Variants in CASK observed in about 807,000 individuals in gnomAD.
CASK encodes peripheral plasma membrane protein CASK.
In CASK, 4 loss-of-function variants were observed where a neutral mutation model predicts 82.9. The observed-to-expected ratio is 0.05, with a 90% confidence interval of 0.02 to 0.11. The LOEUF (loss-of-function observed/expected upper bound fraction) is 0.11. Among genes scored for constraint, CASK ranks in the 10% least tolerant of loss-of-function variants. The pLI, the probability that CASK is intolerant of heterozygous loss-of-function variation, is 1.00. For missense variants in CASK, 358 were observed against 720.9 expected (o/e 0.50, Z 5.76); for synonymous variants, 259 against 253.5 (o/e 1.02, Z -0.20).
chrX:41,592,180 C>A (rs2065755634), intron 12 of CASK, among the ~76,000 whole-genome samples: 1 of 102,809 alleles, frequency 9.7e-6, no homozygotes, highest in South Asian at 4.7e-4. Context: ...ATGATCGCAT[C>A]ACTGCACTCT....
intron 3 of CASK, among the ~76,000 whole-genome samples, chrX:41,762,998 T>C (rs1221401354): frequency 9.0e-6 from 1 of 111,040 alleles, no homozygotes; most frequent in Admixed American, 9.6e-5. Flanking sequence ...AGATCCCTGA[T>C]TCAAAAGAAG....
intron 8 of CASK, among the ~76,000 whole-genome samples, chrX:41,640,975 G>A (rs752136310): frequency 1.2e-5 from 1 of 86,491 alleles, no homozygotes; most frequent in Non-Finnish European, 2.3e-5. Context: ...AAGGTATCTC[G>A]TCTTTTTTTT....
intron 19 of CASK, among the ~76,000 whole-genome samples, chrX:41,556,767 T>C (rs889819925): frequency 2.7e-5 from 3 of 112,521 alleles, no homozygotes; most frequent in African/African-American, 9.7e-5. Flanking sequence ...AAGTCATACA[T>C]ACAAATGGGG....
intron 1 of CASK, among the ~76,000 whole-genome samples, chrX:41,900,491 T>C (rs2072349828): frequency 9.0e-6 from 1 of 110,642 alleles, no homozygotes; most frequent in Non-Finnish European, 1.9e-5. Flanking sequence ...AATGACCATC[T>C]TTGAGCTCAC....
intron 2 of CASK, among the ~76,000 whole-genome samples, chrX:41,803,406 A>G (rs887595892): frequency 9.0e-6 from 1 of 110,909 alleles, no homozygotes. Context: ...TGGCCAACAT[A>G]GTGAAACGCC....
chrX:41,837,258 T>A (rs2070943650), intron 2 of CASK, among the ~76,000 whole-genome samples: 1 of 112,094 alleles, frequency 8.9e-6, no homozygotes, highest in African/African-American at 3.2e-5. Flanking sequence ...ATAACAGTAG[T>A]ACAATATCAA....
Position 41,878,626 on chromosome X carries a change from G to A in CASK, c.60-25399C>T, listed in dbSNP as rs73472552. On this transcript the variant is annotated intron_variant, in intron 1 of 26. Transcript: ENST00000378163. Reference sequence around the variant, plus strand: ...GTTTTTCCCTCAAATTCATTCACCTGTAACTCACATGTAACAAAGTCTTCA... The same window carrying A: ...GTTTTTCCCTCAAATTCATTCACCTATAACTCACATGTAACAAAGTCTTCA... Among the ~76,000 whole-genome samples, 460 of 111,103 alleles carry A rather than the reference G, an allele frequency of 4.1e-3. 1 individual carries two copies. Among genetic ancestry groups the A allele is most frequent in the African/African-American group, 0.015 (445 of 30,554 alleles).
intron 2 of CASK, among the ~76,000 whole-genome samples, chrX:41,818,439 C>G (rs2070457293): frequency 9.3e-6 from 1 of 107,888 alleles, no homozygotes; most frequent in African/African-American, 3.4e-5. Context: ...CCCATCTCTA[C>G]AAAACATACA....
intron 11 of CASK, among the ~76,000 whole-genome samples, chrX:41,610,575 A>G (rs1271187162): frequency 9.0e-6 from 1 of 111,395 alleles, no homozygotes; most frequent in Non-Finnish European, 1.9e-5. Flanking sequence ...TCCTTTACAT[A>G]CAGACTCAAG....
In CASK at chrX:41,787,237, G is replaced by A. The variant is rs1317012992; in HGVS notation, c.219C>T (p.His73=). Residue 73 remains histidine (H), a synonymous_variant, in exon 3 of 27, where the codon CAC becomes CAT. Transcript: ENST00000378163. ...ASICHMLKHP[H]IVELLETYSS... is the part of the protein sequence containing the mutation. ...TATATGTCTCCAATAACTCTACAAT[G>A]TGTGGATGTTTCAGCATATGACAGA... 1 of 1,198,610 alleles carries A rather than the reference G, an allele frequency of 8.3e-7. No individual in the cohort carries two copies. Among genetic ancestry groups the A allele is most frequent in the Non-Finnish European group, 1.1e-6 (1 of 883,710 alleles).
chrX:41,874,170 G>C (rs1281603138), intron 1 of CASK, among the ~76,000 whole-genome samples: 1 of 102,056 alleles, frequency 9.8e-6, no homozygotes, highest in Non-Finnish European at 2.1e-5. Context: ...CCATATAACA[G>C]ACTAGATTTT....
At chrX:41,643,685 G>T (rs981443343) in intron 8 of CASK, among the ~76,000 whole-genome samples, 1 of 111,690 alleles carries the variant, frequency 9.0e-6, no homozygotes, top group Non-Finnish European at 1.9e-5. Context: ...TGAGATGATG[G>T]GGTTTTCTAA....
chrX:41,879,714 C>T (rs984570054), intron 1 of CASK, among the ~76,000 whole-genome samples: 28 of 112,208 alleles, frequency 2.5e-4, no homozygotes, highest in African/African-American at 8.4e-4. Context: ...GACTCAGCAT[C>T]AGACCTCCTG....
chrX:41,870,737 T>C (rs1401633485), intron 1 of CASK, among the ~76,000 whole-genome samples: 1 of 111,960 alleles, frequency 8.9e-6, no homozygotes, highest in African/African-American at 3.3e-5. Flanking sequence ...GGTAAGTATA[T>C]AATACATGTT....
intron 8 of CASK, among the ~76,000 whole-genome samples, chrX:41,653,934 T>A (rs781285385): frequency 8.9e-6 from 1 of 111,819 alleles, no homozygotes; most frequent in East Asian, 2.8e-4. Flanking sequence ...GTCAGCCTAG[T>A]GAATGGAATA....
intron 25 of CASK, among the ~76,000 whole-genome samples, chrX:41,528,152 C>A (rs756673386): frequency 1.8e-5 from 2 of 112,510 alleles, no homozygotes; most frequent in Non-Finnish European, 3.8e-5. Flanking sequence ...AATCGAGTCA[C>A]AATTATGTTA....
At chrX:41,611,489 C>T (rs933621245) in intron 11 of CASK, among the ~76,000 whole-genome samples, 4 of 111,405 alleles carry the variant, frequency 3.6e-5, no homozygotes, top group Non-Finnish European at 7.5e-5. Flanking sequence ...AGGATGATTA[C>T]GTAGGTTATA....
intron 1 of CASK, among the ~76,000 whole-genome samples, chrX:41,897,028 AAG>A (rs2072282077): frequency 8.9e-6 from 1 of 111,753 alleles, no homozygotes; most frequent in Non-Finnish European, 1.9e-5. Context: ...GTGGAGTTTT[AAG>A]AGTTTTTGAT....
At chrX:41,706,806 T>C (rs1206755671) in intron 5 of CASK, among the ~76,000 whole-genome samples, 1 of 111,764 alleles carries the variant, frequency 8.9e-6, no homozygotes, top group Non-Finnish European at 1.9e-5. Context: ...CAAGTGCCAC[T>C]GTACCCAGCT....
Sources: gnomAD v4.1 joint callset for allele counts (sites outside exome capture counted in the v4.1 genomes callset) on GRCh38, gnomAD v4.1.1 for gene constraint, MANE v1.5 for transcripts, NCBI Gene and HGNC (gene_info 2026-07-23, HGNC 2026-07-21) for gene names.